The following TMOD3 variants were observed in gnomAD, a reference collection of about 807,000 sequenced individuals.
TMOD3 encodes tropomodulin 3.
In TMOD3, 20 loss-of-function variants were observed where a neutral mutation model predicts 39.2. The ratio of observed to expected loss-of-function variants is 0.51; its 90% CI spans 0.36 to 0.74. TMOD3 has a LOEUF of 0.74. Among genes scored for constraint, TMOD3 ranks in the 30% least tolerant of loss-of-function variants. TMOD3 has a pLI of 0.00. For synonymous variants in TMOD3, 143 were observed against 145.8 expected (o/e 0.98, Z 0.14); for missense variants, 381 against 412.8 (o/e 0.92, Z 0.67).
At chr15:51,901,174 A>T (rs988263407) in intron 8 of TMOD3, 4 of 152,462 alleles carry the variant, frequency 2.6e-5, no homozygotes, top group Middle Eastern at 3.4e-3. Context: ...TGTAGCATAC[A>T]TCAGGACCTC....
At chr15:51,902,347 CATT>C (rs572022935) in intron 9 of TMOD3, among the ~76,000 whole-genome samples, 141 of 152,326 alleles carry the variant, frequency 9.3e-4, no homozygotes, top group African/African-American at 3.3e-3. Context: ...AAGATTTCAA[CATT>C]ATCGGAAAGT....
intron 2 of TMOD3, among the ~76,000 whole-genome samples, chr15:51,864,768 G>A (rs1021965481): frequency 2.6e-5 from 4 of 152,150 alleles, no homozygotes; most frequent in African/African-American, 9.7e-5. Flanking sequence ...CCAGTATCTG[G>A]TTCTGGGTGA....
intron 3 of TMOD3, among the ~76,000 whole-genome samples, chr15:51,872,600 G>GTTTTTT (rs58973705): frequency 3.1e-5 from 4 of 129,878 alleles, no homozygotes; most frequent in African/African-American, 8.5e-5. Flanking sequence ...GACCAAATTT[G>GTTTTTT]TTTTTTTTTT....
intron 1 of TMOD3, among the ~76,000 whole-genome samples, chr15:51,854,577 T>C (rs1184983381): frequency 6.6e-6 from 1 of 152,208 alleles, no homozygotes; most frequent in African/African-American, 2.4e-5. Context: ...CCTTACTCCC[T>C]ACACAAATAT....
chr15:51,884,198 C>T (rs926172219), intron 3 of TMOD3, among the ~76,000 whole-genome samples: 4 of 152,188 alleles, frequency 2.6e-5, no homozygotes, highest in Non-Finnish European at 4.4e-5. Flanking sequence ...TTAAATTACA[C>T]TTTATGAAAT....
chr15:51,908,806 A>G lies in TMOD3; in HGVS notation c.1055A>G (p.Gln352Arg), dbSNP rs748489254. The change falls in exon 10 of 10, where the codon CAG becomes CGG. Residue 352 changes from glutamine (Q) to arginine (R), a missense_variant. Gln to Arg is a conservative substitution (Grantham distance 43). Coordinates refer to ENST00000308580, the MANE Select transcript of TMOD3 (RefSeq NM_014547.5). Reference sequence around the variant, plus strand: ...AAGAGACGAGTTGAAGGAGATCACCAGTAAGTCTGCAAAGGTGTAATCTTT... The same window carrying G: ...AAGAGACGAGTTGAAGGAGATCACCGGTAAGTCTGCAAAGGTGTAATCTTT... Reference protein sequence around the residue: ...VRKRRVEGDHQ With the variant: ...VRKRRVEGDHR 5.0e-6 allele frequency: 8 copies of G among 1,607,762 alleles called. No homozygotes were observed. The highest frequency in any genetic ancestry group is 6.8e-6 in the Non-Finnish European group (8 of 1,177,460).
chr15:51,837,076 A>ATATG (rs1451166433), intron 1 of TMOD3, among the ~76,000 whole-genome samples: 1 of 151,934 alleles, frequency 6.6e-6, no homozygotes, highest in Non-Finnish European at 1.5e-5. Flanking sequence ...GGTTTGATAT[A>ATATG]TATATATATA....
intron 7 of TMOD3, among the ~76,000 whole-genome samples, chr15:51,899,891 A>C (rs2623266): frequency 0.42 from 64,329 of 151,914 alleles, 13,815 homozygotes; most frequent in Admixed American, 0.51. Context: ...AGCATGTGTG[A>C]AGGTTATATG....
intron 3 of TMOD3, among the ~76,000 whole-genome samples, chr15:51,871,583 G>A (rs1288622075): frequency 2.0e-5 from 3 of 152,146 alleles, no homozygotes; most frequent in Non-Finnish European, 2.9e-5. Context: ...GGCTAACCCC[G>A]GAAGCTTCCT....
At chr15:51,902,285 CAACA>C (rs1458407178) in intron 9 of TMOD3, among the ~76,000 whole-genome samples, 1 of 152,202 alleles carries the variant, frequency 6.6e-6, no homozygotes, top group African/African-American at 2.4e-5. Flanking sequence ...CAGTTTTCTA[CAACA>C]AACAATTTGT....
chr15:51,894,976 G>A lies in TMOD3; in HGVS notation c.627+1031G>A, dbSNP rs151221876. ...AAAGAAGAAATTAGGAGGACATGGGGTAATTAATTACCAAAAAGTAAACTC... is the reference window on the plus strand; with the variant it reads ...AAAGAAGAAATTAGGAGGACATGGGATAATTAATTACCAAAAAGTAAACTC... On this transcript the variant is annotated intron_variant, in intron 6 of 9. Coordinates refer to ENST00000308580, the MANE Select transcript of TMOD3 (RefSeq NM_014547.5). 5.3e-5 allele frequency among the ~76,000 whole-genome samples: 8 copies of A among 152,256 alleles called. No homozygotes were observed. The East Asian group carries it at 1.2e-3, about 22-fold the overall frequency.
At chr15:51,889,694 C>A (rs1285829991) in intron 5 of TMOD3, among the ~76,000 whole-genome samples, 1 of 151,988 alleles carries the variant, frequency 6.6e-6, no homozygotes, top group Non-Finnish European at 1.5e-5. Context: ...ACGTAGACCC[C>A]CATCTCTAAA....
intron 1 of TMOD3, among the ~76,000 whole-genome samples, chr15:51,861,796 C>T (rs1387656166): frequency 1.3e-5 from 2 of 151,950 alleles, no homozygotes; most frequent in African/African-American, 2.4e-5. Context: ...TAGCTGGGAC[C>T]GCAGGTGTAT....
intron 3 of TMOD3, among the ~76,000 whole-genome samples, chr15:51,872,177 T>C (rs1451390730): frequency 6.6e-6 from 1 of 152,134 alleles, no homozygotes; most frequent in East Asian, 1.9e-4. Context: ...GGCGGATCTC[T>C]TGAGGTCAGG....
At chr15:51,864,074 T>A (rs957612160) in intron 2 of TMOD3, among the ~76,000 whole-genome samples, 1 of 152,018 alleles carries the variant, frequency 6.6e-6, no homozygotes, top group East Asian at 1.9e-4. Flanking sequence ...GAGACCAGCC[T>A]GGCCAACATA....
chr15:51,856,606 A>AT (rs61532703), intron 1 of TMOD3, among the ~76,000 whole-genome samples: 128 of 149,336 alleles, frequency 8.6e-4, no homozygotes, highest in Non-Finnish European at 1.6e-3. Flanking sequence ...TATTAAGGGC[A>AT]TTTTTTTTTT....
intron 1 of TMOD3, among the ~76,000 whole-genome samples, chr15:51,831,877 A>C (rs1396776966): frequency 6.6e-6 from 1 of 152,152 alleles, no homozygotes; most frequent in Non-Finnish European, 1.5e-5. Context: ...GCTCCTGGTG[A>C]ATATGTATAA....
Position 51,905,440 on chromosome 15 carries a change from T to C in TMOD3, c.1025-3336T>C, listed in dbSNP as rs547267105. On this transcript the variant is annotated intron_variant, in intron 9 of 9. Transcript: ENST00000308580. ...AGGCGGAGGTTGCAGTGAGCCGAGA[T>C]TGCACCACTGTACTCCAGCCTGGGC... Among the ~76,000 whole-genome samples, 3 of 151,762 alleles carry C rather than the reference T, an allele frequency of 2.0e-5. No homozygotes were observed. In the East Asian group the frequency reaches 5.8e-4, roughly 29 times the overall value.
At chr15:51,904,894 T>C (rs535319550) in intron 9 of TMOD3, among the ~76,000 whole-genome samples, 23 of 152,290 alleles carry the variant, frequency 1.5e-4, no homozygotes, top group African/African-American at 5.1e-4. Flanking sequence ...GAAGAAGCTG[T>C]GTTCTGACCC....
Sources: allele counts gnomAD v4.1 joint callset (sites outside exome capture counted in the v4.1 genomes callset), GRCh38; gene constraint gnomAD v4.1.1; transcripts MANE v1.5; gene names NCBI Gene and HGNC (gene_info 2026-07-23, HGNC 2026-07-21).